The following ATG16L2 variants were observed in gnomAD, a reference collection of about 807,000 sequenced individuals.
The protein encoded by ATG16L2 is autophagy related 16 like 2, also known as protein Atg16l2.
Under a neutral mutation model 84.7 loss-of-function variants are expected in ATG16L2, and 77 were observed. The ratio of observed to expected loss-of-function variants is 0.91; its 90% confidence interval spans 0.76 to 1.10. ATG16L2 has a LOEUF of 1.10. ATG16L2 is among the 50% of genes least tolerant of loss of function. The pLI is 0.00. For missense variants in ATG16L2, 782 were observed against 817.6 expected (o/e 0.96, Z 0.53); for synonymous variants, 361 against 342.8 (o/e 1.05, Z -0.59).
At chr11:72,843,515 C>T in exon 6 of ATG16L2, 2 of 1,613,684 alleles carry the variant, frequency 1.2e-6, no homozygotes, top group South Asian at 2.2e-5. Context: ...CAATGGTCAA[C>T]TCATCTGGTT....
intron 7 of ATG16L2, chr11:72,823,217 G>A (rs990770844): frequency 7.0e-6 from 3 of 429,296 alleles, no homozygotes; most frequent in South Asian, 5.2e-5. Flanking sequence ...GGGGTGGGGA[G>A]TCAGGCTTCT....
At chr11:72,821,960 G>T in intron 4 of ATG16L2, 84 bp from the exon 5 acceptor site, 1 of 1,437,438 alleles carries the variant, frequency 7.0e-7, no homozygotes, top group South Asian at 1.5e-5. Context: ...GCATGGGCAG[G>T]TCTGTCTCTG....
Position 72,828,757 on chromosome 11 carries a change from T to C in ATG16L2, c.1651T>C (p.Trp551Arg). The C allele has an allele frequency of 6.2e-7, 1 of 1,614,166 alleles. No individual in the cohort carries two copies. The highest frequency in any genetic ancestry group is 8.5e-7 in the Non-Finnish European group (1 of 1,180,010). Residue 551 changes from tryptophan to arginine, a missense_variant, in exon 16 of 18, where the codon TGG (tryptophan) becomes CGG (arginine). Transcript: ENST00000321297. ...CGATGGCTTCAAGTGTGGTTCTGAC[T>C]GGACCAAAGCTGTGTTCAGGTATGT... ...RADGFKCGSDWTKAVFSPDRS... is the reference protein window; with the variant it reads ...RADGFKCGSDRTKAVFSPDRS...
rs1860051379 is a variant in ATG16L2 at position 72,822,308 on chromosome 11, G to A, written c.644+13G>A. The A allele has an allele frequency of 6.6e-7, 1 of 1,518,508 alleles. No homozygotes were observed. Among genetic ancestry groups the A allele is most frequent in the African/African-American group, 1.4e-5 (1 of 71,306 alleles). The allele number at this position is 1,518,508 out of a possible 1,614,324, so 94.1% of individuals were successfully genotyped here. ...AGCGCCGGGAGCGGTGAGGGAGCAG[G>A]CCCCGCCCCTCCTGAGGAAAGGCCC... On this transcript the variant is annotated intron_variant, in intron 5 of 17. Transcript: ENST00000321297. This position sits in a 1 kb window ranked among gnomAD's most constrained non-coding sequence, Gnocchi z 4.2.
downstream of ATG16L2, among the ~76,000 whole-genome samples, chr11:72,830,219 T>C (rs1860576276): frequency 2.0e-5 from 3 of 152,064 alleles, no homozygotes; most frequent in Non-Finnish European, 4.4e-5. Flanking sequence ...TTTACCAACC[T>C]AGGACTGGGC....
intron 3 of ATG16L2, chr11:72,821,388 G>T (rs899344037): frequency 2.4e-6 from 3 of 1,250,610 alleles, no homozygotes. Context: ...CAGTGGAGCG[G>T]GTTGCTCTTG....
Position 72,826,857 on chromosome 11 carries a change from C to A in ATG16L2, c.1366+34C>A, listed in dbSNP as rs563269035. On this transcript the variant is annotated intron_variant, in intron 13 of 17. Coordinates refer to ENST00000321297, the MANE Select transcript of ATG16L2 (RefSeq NM_033388.2). ...GAGCCCCAGCCCCACCTCTCCTCCC[C>A]ACCAGCCAGGAGCCCCAGGCCAGGG... 12 of 1,607,084 alleles carry A rather than the reference C, an allele frequency of 7.5e-6. No homozygotes were observed. The Admixed American group carries it at 1.9e-4, about 25-fold the overall frequency.
intron 7 of ATG16L2, chr11:72,823,800 GGGT>G (rs766171873): frequency 3.4e-6 from 2 of 596,990 alleles, no homozygotes; most frequent in African/African-American, 3.7e-5. Flanking sequence ...TTTTGTTGGT[GGGT>G]ACTAGTAGGG....
Position 72,822,532 on chromosome 11 carries a change from G to A in ATG16L2, c.699G>A (p.Val233=), listed in dbSNP as rs141490660. ...QELKKAAKRT[V]SISEGPDTLG... ...TGAAGAAGGCTGCCAAGCGGACCGT[G>A]AGCATCAGCGAGTAAGAGTGGGGAT... Residue 233 remains valine, a synonymous_variant, in exon 6 of 18, where the codon GTG becomes GTA. Coordinates refer to ENST00000321297, the MANE Select transcript of ATG16L2 (RefSeq NM_033388.2). The surrounding 1 kb of genome is among the most constrained non-coding windows in gnomAD (Gnocchi z 4.2). The A allele has an allele frequency of 7.4e-6, 12 of 1,612,578 alleles. No homozygotes were observed. The highest frequency in any genetic ancestry group is 5.3e-5 in the African/African-American group (4 of 74,818).
At position 72,841,424 on chromosome 11, in the gene ATG16L2, A is replaced by G. The variant is rs1282472756; in HGVS notation, c.*22-1193A>G. ...ATGTAGGTTTCTGAAGTGAAAATGC[A>G]TTTAGACCCATGCCCAGGAGAACCC... On this transcript the variant is annotated intron_variant, in intron 5 of 5. Transcript: ENST00000534905. The G allele has an allele frequency of 1.9e-6, 3 of 1,592,474 alleles. No individual in the cohort carries two copies. In the Admixed American group the frequency reaches 5.2e-5, roughly 27 times the overall value.
downstream of ATG16L2, among the ~76,000 whole-genome samples, chr11:72,832,133 C>T (rs1191284963): frequency 6.6e-6 from 1 of 152,200 alleles, no homozygotes. Context: ...CTTGGGAGGC[C>T]AGCTGCGCCA....
At chr11:72,821,935 G>T in intron 4 of ATG16L2, 109 bp from the exon 5 acceptor site, 1 of 1,427,132 alleles carries the variant, frequency 7.0e-7, no homozygotes, top group South Asian at 1.5e-5. Flanking sequence ...TTAGCCACCC[G>T]GCTAGCCGCG....
intron 5 of ATG16L2, chr11:72,840,914 C>T: frequency 6.2e-7 from 1 of 1,613,426 alleles, no homozygotes. Flanking sequence ...AGGAGTATGC[C>T]TTGATGCCTG....
intron 5 of ATG16L2, chr11:72,842,481 G>T (rs2135154064): frequency 1.1e-6 from 1 of 919,824 alleles, no homozygotes. Flanking sequence ...TTTCCCAAAT[G>T]CAGTTGTGCA....
In ATG16L2 at chr11:72,822,170, C is replaced by T. The variant is rs1212780396; in HGVS notation, c.519C>T (p.His173=). The change falls in exon 5 of 18, where the codon CAC becomes CAT. Residue 173 remains histidine (H), a synonymous_variant. Coordinates refer to ENST00000321297, the MANE Select transcript of ATG16L2 (RefSeq NM_033388.2). This position sits in a 1 kb window ranked among gnomAD's most constrained non-coding sequence, Gnocchi z 4.2. The stretch of plus-strand genomic sequence containing the variant: ...CAGCCTACGAGGCGCTGCGCGCGCA[C>T]GTCGGGCTCCGGGAGGCGGCACTGC... The part of the protein sequence containing the change: ...QRAAYEALRA[H]VGLREAALRR... 2.0e-6 allele frequency: 3 copies of T among 1,493,838 alleles called. No individual in the cohort carries two copies. Among genetic ancestry groups the T allele is most frequent in the Non-Finnish European group, 2.7e-6 (3 of 1,132,028 alleles). 92.5% of individuals were successfully genotyped at this position (1,493,838 alleles called of 1,614,324 possible).
At chr11:72,830,935 CTTGCTA>C (rs1174198287), downstream of ATG16L2, among the ~76,000 whole-genome samples, 3 of 152,212 alleles carry the variant, frequency 2.0e-5, no homozygotes, top group Non-Finnish European at 4.4e-5. Context: ...TGGCTATTTC[CTTGCTA>C]TCATGAGTGC....
chr11:72,828,492 A>G lies in ATG16L2; in HGVS notation c.1606A>G (p.Ile536Val). The G allele has an allele frequency of 6.2e-7, 1 of 1,614,134 alleles. No individual in the cohort carries two copies. Among genetic ancestry groups the G allele is most frequent in the Non-Finnish European group, 8.5e-7 (1 of 1,180,028 alleles). The change falls in exon 15 of 18, where the codon ATC (isoleucine) becomes GTC (valine). Residue 536 changes from isoleucine to valine, a missense_variant. Transcript: ENST00000321297. Reference sequence around the variant, plus strand: ...GGTCATCGACCTGCGTGTCAGCAACATCCGCCAGGTGTTCAGGTACCAGCC... The same window carrying G: ...GGTCATCGACCTGCGTGTCAGCAACGTCCGCCAGGTGTTCAGGTACCAGCC... The part of the protein sequence containing the change: ...LKVIDLRVSN[I>V]RQVFRADGFK...
chr11:72,827,973 AAAC>A (rs370451057), intron 14 of ATG16L2, among the ~76,000 whole-genome samples: 259 of 152,134 alleles, frequency 1.7e-3, no homozygotes, highest in African/African-American at 5.9e-3. Context: ...CAAAACAAAA[AAAC>A]AAAGCTAGAG....
intron 5 of ATG16L2, among the ~76,000 whole-genome samples, chr11:72,840,349 C>G (rs1176864001): frequency 6.6e-6 from 1 of 152,114 alleles, no homozygotes; most frequent in East Asian, 1.9e-4. Context: ...AATAAAATTG[C>G]AAAGTATCCG....
Sources: allele counts gnomAD v4.1 joint callset (sites outside exome capture counted in the v4.1 genomes callset), GRCh38; gene constraint gnomAD v4.1.1; non-coding constraint Gnocchi (gnomAD v3.1); transcripts MANE v1.5; gene names NCBI Gene and HGNC (gene_info 2026-07-23, HGNC 2026-07-21).